MSH4: variants seen among roughly 807,000 people sequenced by gnomAD.
MSH4 encodes mutS homolog 4, also known as mutS protein homolog 4.
In MSH4, 106 loss-of-function variants were observed where a neutral mutation model predicts 113.7. The ratio of observed to expected loss-of-function variants is 0.93; its 90% CI spans 0.80 to 1.10. The LOEUF is 1.10. Among genes scored for constraint, MSH4 ranks in the 50% least tolerant of loss-of-function variants. The pLI is 0.00. For missense variants in MSH4, 1,061 were observed against 1,093.7 expected (o/e 0.97, Z 0.42); for synonymous variants, 368 against 380.2 (o/e 0.97, Z 0.37).
intron 1 of MSH4, among the ~76,000 whole-genome samples, chr1:75,800,139 CCATCTCCAGTTTCCG>C (rs984908006): frequency 1.3e-5 from 2 of 152,146 alleles, no homozygotes; most frequent in Non-Finnish European, 2.9e-5. Context: ...ACAGCCCTCT[CCATCTCCAGTTTCCG>C]CATCTCCAGT....
chr1:75,852,957 T>C (rs1487865489), intron 8 of MSH4, among the ~76,000 whole-genome samples: 1 of 152,178 alleles, frequency 6.6e-6, no homozygotes, highest in Non-Finnish European at 1.5e-5. Flanking sequence ...ATAACAGTTT[T>C]AGTTAGATCA....
intron 14 of MSH4, among the ~76,000 whole-genome samples, chr1:75,881,638 C>T (rs1237217362): frequency 6.6e-6 from 1 of 151,928 alleles, no homozygotes; most frequent in Non-Finnish European, 1.5e-5. Context: ...ACTGTAAGAG[C>T]TGTCTCCTTG....
Position 75,878,180 on chromosome 1 carries a change from G to A in MSH4, c.1402G>A (p.Val468Ile). ...AATCATACTTGAAAAGATTAAAACAGTAATTAATGATGATGCAAGATACAT... is the reference window on the plus strand; with the variant it reads ...AATCATACTTGAAAAGATTAAAACAATAATTAATGATGATGCAAGATACAT... ...FGIILEKIKT[V>I]INDDARYMKG... Residue 468 changes from valine (V) to isoleucine (I), a missense_variant, in exon 11 of 20, where the codon GTA becomes ATA. Val to Ile is a conservative substitution (Grantham distance 29). Transcript: ENST00000263187. The A allele has an allele frequency of 6.2e-7, 1 of 1,604,982 alleles. No homozygotes were observed. The highest frequency in any genetic ancestry group is 2.2e-5 in the East Asian group (1 of 44,666).
Position 75,890,697 on chromosome 1 carries a change from T to C in MSH4, c.2228T>C (p.Ile743Thr). Residue 743 changes from isoleucine (I) to threonine (T), a missense_variant and splice_region_variant, in exon 17 of 20, where the codon ATA (isoleucine) becomes ACA (threonine). Transcript: ENST00000263187. ...SSTFMKEMKEIAYILHNANDK... is the reference protein window; with the variant it reads ...SSTFMKEMKETAYILHNANDK... ...AAATATTAAAATTATATATTTCAGA[T>C]AGCATATATTCTACATAATGCTAAT... The C allele has an allele frequency of 6.8e-7, 1 of 1,476,290 alleles. No homozygotes were observed. Among genetic ancestry groups the C allele is most frequent in the South Asian group, 1.3e-5 (1 of 79,212 alleles). The allele number at this position is 1,476,290 out of a possible 1,614,324, so 91.4% of individuals were successfully genotyped here.
intron 5 of MSH4, among the ~76,000 whole-genome samples, chr1:75,816,039 T>C (rs891772911): frequency 5.9e-5 from 9 of 152,026 alleles, no homozygotes; most frequent in Non-Finnish European, 1.0e-4. Flanking sequence ...TATCAGACTT[T>C]CCTAACATTA....
chr1:75,866,550 A>C (rs965659949), intron 8 of MSH4, among the ~76,000 whole-genome samples: 3 of 152,178 alleles, frequency 2.0e-5, no homozygotes, highest in African/African-American at 7.2e-5. Context: ...TTAGTTTCAG[A>C]GATCCATTGT....
intron 19 of MSH4, among the ~76,000 whole-genome samples, chr1:75,906,723 T>C (rs1235699563): frequency 1.3e-5 from 2 of 148,742 alleles, no homozygotes; most frequent in African/African-American, 5.0e-5. Flanking sequence ...CTCCGTACTT[T>C]AACTTCATTC....
chr1:75,884,410 C>T (rs1486265254), intron 15 of MSH4, among the ~76,000 whole-genome samples: 1 of 151,956 alleles, frequency 6.6e-6, no homozygotes, highest in Non-Finnish European at 1.5e-5. Context: ...AACTGGGTTT[C>T]CTTGAGAACT....
intron 19 of MSH4, among the ~76,000 whole-genome samples, chr1:75,906,102 T>G (rs1009087995): frequency 3.3e-5 from 5 of 152,070 alleles, no homozygotes; most frequent in Non-Finnish European, 7.4e-5. Flanking sequence ...GCGATTCTTC[T>G]GCCTCAGCCT....
At chr1:75,877,554 A>G (rs990960294) in intron 10 of MSH4, among the ~76,000 whole-genome samples, 2 of 152,194 alleles carry the variant, frequency 1.3e-5, no homozygotes, top group Non-Finnish European at 2.9e-5. Flanking sequence ...TGAAGTTAAT[A>G]ATAAAACTGG....
At chr1:75,873,879 C>A (rs553855993) in intron 9 of MSH4, among the ~76,000 whole-genome samples, 179 of 152,230 alleles carry the variant, frequency 1.2e-3, no homozygotes, top group Middle Eastern at 6.8e-3. Flanking sequence ...CTGCAGTGAA[C>A]ATTCGTGTGC....
intron 17 of MSH4, among the ~76,000 whole-genome samples, chr1:75,894,882 GA>G (rs1652336808): frequency 6.6e-6 from 1 of 152,126 alleles, no homozygotes; most frequent in Admixed American, 6.5e-5. Flanking sequence ...AGGTTTTCCA[GA>G]AGGCTGTATA....
At chr1:75,833,922 A>G (rs913496860) in intron 7 of MSH4, among the ~76,000 whole-genome samples, 1 of 152,256 alleles carries the variant, frequency 6.6e-6, no homozygotes, top group African/African-American at 2.4e-5. Flanking sequence ...ACAAAAGCCA[A>G]AACTGACAAA....
intron 7 of MSH4, among the ~76,000 whole-genome samples, chr1:75,824,260 C>T (rs1264404250): frequency 4.6e-5 from 7 of 151,992 alleles, no homozygotes; most frequent in Non-Finnish European, 7.4e-5. Flanking sequence ...GTTTGATGGC[C>T]GCACAAATGT....
chr1:75,828,662 G>A (rs112571996), intron 7 of MSH4, among the ~76,000 whole-genome samples: 134 of 152,266 alleles, frequency 8.8e-4, no homozygotes, highest in Non-Finnish European at 1.5e-3. Flanking sequence ...CTCCAAAAGG[G>A]GAGAGGAATG....
At chr1:75,885,777 T>TA (rs1652078146) in intron 15 of MSH4, among the ~76,000 whole-genome samples, 2 of 114,408 alleles carry the variant, frequency 1.7e-5, no homozygotes, top group South Asian at 5.2e-4. Context: ...ATATAATGTA[T>TA]TATATAGTAT....
intron 19 of MSH4, 150 bp from the exon 20 acceptor site, chr1:75,912,546 G>T: frequency 2.6e-6 from 1 of 392,092 alleles, no homozygotes. Flanking sequence ...TTCTTTCCTT[G>T]TTGGAGGAAA....
chr1:75,844,693 A>T (rs915823154), intron 7 of MSH4, among the ~76,000 whole-genome samples: 1 of 152,250 alleles, frequency 6.6e-6, no homozygotes, highest in Admixed American at 6.5e-5. Context: ...ACAATTTTCT[A>T]TAAATTTATT....
At chr1:75,809,005 C>T (rs1456171399) in intron 3 of MSH4, among the ~76,000 whole-genome samples, 1 of 152,084 alleles carries the variant, frequency 6.6e-6, no homozygotes. Context: ...CTCACTGCAG[C>T]CTCCCACCTC....
Sources: gnomAD v4.1 joint callset for allele counts (sites outside exome capture counted in the v4.1 genomes callset) on GRCh38, gnomAD v4.1.1 for gene constraint, MANE v1.5 for transcripts, NCBI Gene and HGNC (gene_info 2026-07-23, HGNC 2026-07-21) for gene names.